Variants in KIR2DL3 observed in about 807,000 individuals in gnomAD.
The protein encoded by KIR2DL3 is killer cell immunoglobulin-like receptor 2DL3.
KIR2DL3 carries 39 observed loss-of-function variants against 33.8 expected under a neutral mutation model. The observed-to-expected ratio is 1.15, with a 90% CI of 0.89 to 1.51. The LOEUF is 1.51. Ranked by LOEUF, KIR2DL3 falls within the 40% of genes most tolerant of loss-of-function variation. KIR2DL3 has a pLI of 0.00. For missense variants in KIR2DL3, 462 were observed against 426.2 expected (o/e 1.08, Z -0.74); for synonymous variants, 174 against 160.2 (o/e 1.09, Z -0.65).
chr19:54,741,859 T>C (rs1600329058), intron 2 of KIR2DL3, 121 bp from the exon 3 acceptor site: 1 of 1,280,074 alleles, frequency 7.8e-7, no homozygotes, highest in South Asian at 1.4e-5. Context: ...GAAAAGAACA[T>C]GAAGACACAG....
At chr19:54,747,573 C>A (rs2072748752) in intron 5 of KIR2DL3, among the ~76,000 whole-genome samples, 188 bp downstream of exon 5, 1 of 152,150 alleles carries the variant, frequency 6.6e-6, no homozygotes, top group African/African-American at 2.4e-5. Flanking sequence ...ATCTCTTAAT[C>A]TCTCATTTTA....
At chr19:54,748,162 A>G (rs1287024922) in intron 5 of KIR2DL3, among the ~76,000 whole-genome samples, 2 of 150,620 alleles carry the variant, frequency 1.3e-5, no homozygotes, top group Admixed American at 6.7e-5. Flanking sequence ...CTCAAAGCCC[A>G]CAAAGACTGG....
chr19:54,746,113 TA>T (rs1600401568), intron 4 of KIR2DL3, among the ~76,000 whole-genome samples: 1 of 134,856 alleles, frequency 7.4e-6, no homozygotes, highest in African/African-American at 2.8e-5. Context: ...ACGCCCGGCC[TA>T]AAATCCATTT....
chr19:54,751,740 C>T lies in KIR2DL3; in HGVS notation c.807C>T (p.Cys269=), dbSNP rs567830523. ...LLLFFLLHRW[C]CNKKNAVVMD... is the part of the protein sequence containing the mutation. ...TCTTCTTTCTCCTTCATCGCTGGTG[C>T]TGCAACAAAAAAAGTAAGTCTCACG... Residue 269 remains cysteine, a synonymous_variant, in exon 6 of 8, where the codon TGC becomes TGT. Transcript: ENST00000342376. 1 of 1,461,086 alleles carries T rather than the reference C, an allele frequency of 6.8e-7. No individual in the cohort carries two copies. Among genetic ancestry groups the T allele is most frequent in the Non-Finnish European group, 9.3e-7 (1 of 1,076,786 alleles). The allele number at this position is 1,461,086 out of a possible 1,614,324, so 90.5% of individuals were successfully genotyped here. A position where few individuals can be genotyped will look rare whatever the true frequency, so the allele number is the denominator to read the frequency against.
intron 4 of KIR2DL3, among the ~76,000 whole-genome samples, chr19:54,744,374 T>TC (rs1459382175): frequency 1.3e-5 from 2 of 151,990 alleles, no homozygotes; most frequent in African/African-American, 4.8e-5. Context: ...GATCAGAGGT[T>TC]CCCTCAGCCC....
chr19:54,751,548 G>T, intron 5 of KIR2DL3, 101 bp from the exon 6 acceptor site: 3 of 1,003,756 alleles, frequency 3.0e-6, no homozygotes, highest in Non-Finnish European at 4.5e-6. Flanking sequence ...TTGTCCTAAA[G>T]GGGTGTTGTA....
chr19:54,750,587 A>G (rs745778718), intron 5 of KIR2DL3, among the ~76,000 whole-genome samples: 8 of 136,336 alleles, frequency 5.9e-5, no homozygotes, highest in Non-Finnish European at 1.1e-4. Flanking sequence ...TAGAAATCCT[A>G]AAGCACATTC....
chr19:54,750,684 C>G (rs905480913), intron 5 of KIR2DL3, among the ~76,000 whole-genome samples: 1 of 137,878 alleles, frequency 7.3e-6, no homozygotes, highest in East Asian at 2.0e-4. Context: ...ATTCCTATCA[C>G]TCACCGTCAC....
Position 54,752,513 on chromosome 19 carries a change from G to A in KIR2DL3, c.1020G>A (p.Glu340=). 1 of 1,463,862 alleles carries A rather than the reference G, an allele frequency of 6.8e-7. No individual in the cohort carries two copies. Among genetic ancestry groups the A allele is most frequent in the Non-Finnish European group, 9.3e-7 (1 of 1,076,600 alleles). 90.7% of individuals were successfully genotyped at this position (1,463,862 alleles called of 1,614,324 possible). Residue 340 remains glutamate, a synonymous_variant, in exon 8 of 8, where the codon GAG becomes GAA. Transcript: ENST00000342376. ...IIVYTELPNA[E]P is the part of the protein sequence containing the mutation. ...TGTACACGGAACTTCCAAATGCTGA[G>A]CCCTGATCCAAAGTTGTCTCCTGCC...
In KIR2DL3 at chr19:54,747,035, C is replaced by A. The variant is rs117083565; in HGVS notation, c.665-300C>A. Among the ~76,000 whole-genome samples the A allele has an allele frequency of 7.3e-3, 865 of 117,834 alleles. 5 individuals carry two copies. The highest frequency in any genetic ancestry group is 0.024 in the South Asian group (73 of 3,088). 77.3% of individuals were successfully genotyped at this position (117,834 alleles called of 152,430 possible). ...TAAATGCATGGATTATATCTGTGTT[C>A]TTCATTCTGCTCCATTGTTCTACGT... is the stretch of plus-strand genomic sequence containing the variant. On this transcript the variant is annotated intron_variant, in intron 4 of 7. Transcript: ENST00000342376.
At chr19:54,740,197 A>T (rs1352331738) in intron 2 of KIR2DL3, among the ~76,000 whole-genome samples, 2 of 151,924 alleles carry the variant, frequency 1.3e-5, no homozygotes, top group African/African-American at 2.4e-5. Context: ...AAGCGAGGAG[A>T]ATCTTCTGAG....
At chr19:54,744,875 T>C (rs609052) in intron 4 of KIR2DL3, among the ~76,000 whole-genome samples, 16 of 72,996 alleles carry the variant, frequency 2.2e-4, no homozygotes, top group Non-Finnish European at 3.8e-4. Context: ...TACATTTATA[T>C]ATATATATAT....
chr19:54,744,949 TATA>T (rs1568970905), intron 4 of KIR2DL3, among the ~76,000 whole-genome samples: 5 of 29,816 alleles, frequency 1.7e-4, no homozygotes, highest in Admixed American at 5.6e-4. Flanking sequence ...TATATATATA[TATA>T]TATTTTTTTT....
chr19:54,748,529 A>G (rs2147146680), intron 5 of KIR2DL3, among the ~76,000 whole-genome samples: 1 of 147,024 alleles, frequency 6.8e-6, no homozygotes, highest in Non-Finnish European at 1.5e-5. Flanking sequence ...GATATTGCAG[A>G]TGGTTAAATG....
At position 54,742,671 on chromosome 19, in the gene KIR2DL3, A is replaced by T. The variant is rs373577514; in HGVS notation, c.370+392A>T. On this transcript the variant is annotated intron_variant, in intron 3 of 7. Transcript: ENST00000342376. ...CAAGGACACCCATATTTATGACCTG[A>T]GTTGGGCCCTGTGGCCTCAGGCCTT... is the stretch of plus-strand genomic sequence containing the variant. Among the ~76,000 whole-genome samples, 15 of 150,646 alleles carry T rather than the reference A, an allele frequency of 1.0e-4. 1 individual carries two copies. In the East Asian group the frequency reaches 1.2e-3, roughly 12 times the overall value.
At position 54,743,888 on chromosome 19, in the gene KIR2DL3, A is replaced by T. The variant is rs766848786; in HGVS notation, c.464A>T (p.Tyr155Phe). 13 of 1,614,016 alleles carry T rather than the reference A, an allele frequency of 8.1e-6. No homozygotes were observed. Among genetic ancestry groups the T allele is most frequent in the Non-Finnish European group, 9.3e-6 (11 of 1,179,976 alleles). Residue 155 changes from tyrosine (Y) to phenylalanine (F), a missense_variant, in exon 4 of 8, where the codon TAT becomes TTT. By Grantham distance (22) the Tyr-to-Phe change is conservative. Transcript: ENST00000342376. The part of the protein sequence containing the change: ...VTLSCSSRSS[Y>F]DMYHLSREGE... ...TTGTCCTGCAGCTCCCGGAGCTCCT[A>T]TGACATGTACCATCTATCCAGGGAG...
In KIR2DL3 at chr19:54,750,617, G is replaced by C. The variant is rs185872385; in HGVS notation, c.716-1032G>C. 7.3e-3 allele frequency among the ~76,000 whole-genome samples: 1,005 copies of C among 137,312 alleles called. 41 individuals are homozygous for C. The highest frequency in any genetic ancestry group is 0.026 in the African/African-American group (952 of 36,478). 90.1% of individuals were successfully genotyped at this position (137,312 alleles called of 152,430 possible). ...ACATTCGCTGTGTATCAATCCCAGTGCAGTCTTCCCAGAGAAGACTCTAAA... is the reference window on the plus strand; with the variant it reads ...ACATTCGCTGTGTATCAATCCCAGTCCAGTCTTCCCAGAGAAGACTCTAAA... On this transcript the variant is annotated intron_variant, in intron 5 of 7. Coordinates refer to ENST00000342376, the MANE Select transcript of KIR2DL3 (RefSeq NM_015868.3).
intron 4 of KIR2DL3, among the ~76,000 whole-genome samples, chr19:54,744,849 G>C (rs1402408062): frequency 7.5e-6 from 1 of 132,674 alleles, no homozygotes; most frequent in Non-Finnish European, 1.6e-5. Context: ...TAAGTGTAAA[G>C]TCTAGTGGTC....
chr19:54,746,985 AG>A (rs1366111705), intron 4 of KIR2DL3, among the ~76,000 whole-genome samples: 174 of 144,006 alleles, frequency 1.2e-3, no homozygotes, highest in Middle Eastern at 7.0e-3. Flanking sequence ...CCATCTCAAA[AG>A]AAAAAAGAAA....
Sources: allele counts gnomAD v4.1 joint callset (sites outside exome capture counted in the v4.1 genomes callset), GRCh38; gene constraint gnomAD v4.1.1; transcripts MANE v1.5; gene names NCBI Gene and HGNC (gene_info 2026-07-23, HGNC 2026-07-21).